Variants in HEATR4 observed in about 807,000 individuals in gnomAD.
HEATR4 encodes HEAT repeat containing 4, also known as HEAT repeat-containing protein 4.
Under a neutral mutation model 108.8 loss-of-function variants are expected in HEATR4, and 95 were observed. The observed-to-expected ratio is 0.87, with a 90% CI of 0.74 to 1.04. The LOEUF (loss-of-function observed/expected upper bound fraction) is 1.04. Ranked by LOEUF, HEATR4 falls within the 50% of genes least tolerant of loss-of-function variation. The pLI is 0.00. For missense variants in HEATR4, 1,152 were observed against 1,253.8 expected, an observed-to-expected ratio of 0.92 and a Z score of 1.23; for synonymous variants, 443 against 459.4, an observed-to-expected ratio of 0.96 and a Z score of 0.46.
chr14:73,586,622 C>T, the HEATR4 span, among the ~76,000 whole-genome samples: 16 of 150,820 alleles, frequency 1.1e-4, no homozygotes, highest in East Asian at 3.1e-3. Context: ...ACGAGAATTG[C>T]TTGAACCCAG....
chr14:73,556,387 T>C lies in HEATR4; in HGVS notation c.-152+2364A>G, dbSNP rs1170112099. On this transcript the variant is annotated intron_variant, in intron 1 of 17. Transcript: ENST00000553558. ...TTGCAGTGAGCCAAGATCACACCAG[T>C]GCACTCCAGGCTGGGTGACAAGAGT... is the stretch of plus-strand genomic sequence containing the variant. Among the ~76,000 whole-genome samples, 2 of 109,186 alleles carry C rather than the reference T, an allele frequency of 1.8e-5. 1 individual carries two copies. The highest frequency in any genetic ancestry group is 4.0e-5 in the Non-Finnish European group (2 of 50,450). The allele number at this position is 109,186 out of a possible 152,430, so 71.6% of individuals were successfully genotyped here.
Position 73,492,841 on chromosome 14 carries a change from G to T in HEATR4, c.2844+225C>A, listed in dbSNP as rs766508250. 3 of 1,613,772 alleles carry T rather than the reference G, an allele frequency of 1.9e-6. No homozygotes were observed. Among genetic ancestry groups the T allele is most frequent in the Admixed American group, 1.7e-5 (1 of 59,982 alleles). On this transcript the variant is annotated intron_variant, in intron 17 of 17. Coordinates refer to ENST00000553558, the MANE Select transcript of HEATR4 (RefSeq NM_001220484.1). The surrounding 1 kb of genome is among the most constrained non-coding windows in gnomAD (Gnocchi z 4.9). ...GTTCTTATCCAGAGTTTGTGAGAGT[G>T]GGGGACCTGCCCTGTGACAGTGTGG...
At chr14:73,584,988 CAACCCCCTCACCCA>C in the HEATR4 span, among the ~76,000 whole-genome samples, 2 of 151,912 alleles carry the variant, frequency 1.3e-5, no homozygotes, top group Admixed American at 1.3e-4. Flanking sequence ...GGCAGTTTGT[CAACCCCCTCACCCA>C]GACCCCCAAC....
intron 4 of HEATR4, chr14:73,520,566 T>C (rs541253752): frequency 1.9e-5 from 6 of 308,588 alleles, no homozygotes; most frequent in Non-Finnish European, 3.0e-5. Flanking sequence ...AGAGAAGAGA[T>C]GGATTGTTCC....
At chr14:73,493,223 T>TTACCCAGTAC in intron 16 of HEATR4, 99 bp from the exon 17 acceptor site, 3 of 974,740 alleles carry the variant, frequency 3.1e-6, no homozygotes, top group Non-Finnish European at 4.9e-6. Context: ...GGCTTCAGTG[T>TTACCCAGTAC]ACTGGGTAAC....
intron 1 of HEATR4, among the ~76,000 whole-genome samples, chr14:73,539,017 A>G (rs1249294092): frequency 1.7e-5 from 2 of 116,042 alleles, no homozygotes; most frequent in African/African-American, 5.6e-5. Context: ...AAAATTTTCA[A>G]GTAGTTTCAA....
intron 12 of HEATR4, among the ~76,000 whole-genome samples, chr14:73,499,403 C>T (rs1405514626): frequency 6.6e-6 from 1 of 152,116 alleles, no homozygotes; most frequent in African/African-American, 2.4e-5. Flanking sequence ...TTGCTTGGAC[C>T]TGGGAGGCGG....
At chr14:73,591,064 GACACCTCC>G in the HEATR4 span, among the ~76,000 whole-genome samples, 4,433 of 152,276 alleles carry the variant, frequency 0.029, 186 homozygotes, top group East Asian at 0.2. Flanking sequence ...GAAACAGGGT[GACACCTCC>G]TCTCTAAAAA....
Position 73,509,451 on chromosome 14 carries a change from CG to C in HEATR4, c.1580del (p.Pro527ArgfsTer8). ...RDSDKTIQDL[P>X]EVLLPALEAA... ...CCTCTAGGGCAGGCAGTAGAACCTCCGGCAAGTCCTGGATGGTCTTGTCTGT... is the reference window on the plus strand; with the variant it reads ...CCTCTAGGGCAGGCAGTAGAACCTCCGCAAGTCCTGGATGGTCTTGTCTGT... On this transcript the variant is annotated frameshift_variant, in exon 8 of 18. Transcript: ENST00000553558. LOFTEE classifies it high-confidence loss of function. 3.7e-6 allele frequency: 6 copies of C among 1,613,986 alleles called. No homozygotes were observed. Among genetic ancestry groups the C allele is most frequent in the Non-Finnish European group, 5.1e-6 (6 of 1,180,004 alleles).
chr14:73,509,440 A>C lies in HEATR4; in HGVS notation c.1592T>G (p.Leu531Arg). The change falls in exon 8 of 18, where the codon CTG becomes CGG. Residue 531 changes from leucine (L) to arginine (R), a missense_variant. By Grantham distance (102) the Leu-to-Arg change is moderately radical. Transcript: ENST00000553558. Reference protein sequence around the residue: ...KTIQDLPEVLLPALEAALCDK... With the variant: ...KTIQDLPEVLRPALEAALCDK... ...ACAAAGAGCAGCCTCTAGGGCAGGC[A>C]GTAGAACCTCCGGCAAGTCCTGGAT... 6.2e-7 allele frequency: 1 copy of C among 1,614,148 alleles called. No homozygotes were observed. The highest frequency in any genetic ancestry group is 8.5e-7 in the Non-Finnish European group (1 of 1,180,030).
chr14:73,534,905 C>T lies in HEATR4; in HGVS notation c.-151-4661G>A, dbSNP rs140008880. ...AGCAATCTCCTGCCTAGGCCTCCCC[C>T]CTAACAGCTGGAACTACAGGCATCT... On this transcript the variant is annotated intron_variant, in intron 1 of 17. Transcript: ENST00000553558. Among the ~76,000 whole-genome samples the T allele has an allele frequency of 4.5e-5, 5 of 110,264 alleles. 2 individuals carry two copies. Among genetic ancestry groups the T allele is most frequent in the African/African-American group, 8.9e-5 (3 of 33,836 alleles). The allele number at this position is 110,264 out of a possible 152,430, so 72.3% of individuals were successfully genotyped here. A position where few individuals can be genotyped will look rare whatever the true frequency, so the allele number is the denominator to read the frequency against.
At chr14:73,488,729 T>G (rs1302493748) in intron 17 of HEATR4, among the ~76,000 whole-genome samples, 1 of 150,050 alleles carries the variant, frequency 6.7e-6, no homozygotes, top group East Asian at 1.9e-4. Flanking sequence ...GAGCAATTAA[T>G]GGTAAAGAGA....
chr14:73,633,031 G>A, the HEATR4 span, among the ~76,000 whole-genome samples: 1 of 140,486 alleles, frequency 7.1e-6, no homozygotes, highest in East Asian at 2.0e-4. Context: ...TTGAGATGGG[G>A]TCTCATTCTG....
At chr14:73,491,587 C>A in intron 17 of HEATR4, 5 of 1,544,980 alleles carry the variant, frequency 3.2e-6, no homozygotes, top group South Asian at 1.2e-5. Context: ...GCGTCTTGGC[C>A]GAGCTGAACC....
chr14:73,564,750 A>G, the HEATR4 span, among the ~76,000 whole-genome samples: 6 of 95,380 alleles, frequency 6.3e-5, no homozygotes, highest in African/African-American at 2.0e-4. Context: ...TTTTTTTTAG[A>G]GATGAGATCT....
the HEATR4 span, chr14:73,595,685 C>G: frequency 2.0e-6 from 3 of 1,507,440 alleles, no homozygotes; most frequent in African/African-American, 1.4e-5. Context: ...ATGAGAGATT[C>G]AAGATCAGAT....
intron 8 of HEATR4, 78 bp from the exon 9 acceptor site, chr14:73,508,372 A>G: frequency 7.7e-7 from 1 of 1,296,570 alleles, no homozygotes; most frequent in South Asian, 1.3e-5. Context: ...ATTGATACCC[A>G]AGGCTGCTAC....
In HEATR4 at chr14:73,512,077, A is replaced by T. The variant is rs748022352; in HGVS notation, c.1487T>A (p.Ile496Asn). 2 of 1,614,012 alleles carry T rather than the reference A, an allele frequency of 1.2e-6. No individual in the cohort carries two copies. Among genetic ancestry groups the T allele is most frequent in the South Asian group, 2.2e-5 (2 of 91,092 alleles). Residue 496 changes from isoleucine (I) to asparagine (N), a missense_variant, in exon 7 of 18, where the codon ATC becomes AAC. Ile to Asn is a moderately radical substitution (Grantham distance 149, BLOSUM62 -3). Transcript: ENST00000553558. ...TGTGGCACATGTGGTGATAGCTTTGATCCGAACGTCATCATGCAGGTCTCC... is the reference window on the plus strand; with the variant it reads ...TGTGGCACATGTGGTGATAGCTTTGTTCCGAACGTCATCATGCAGGTCTCC... ...SLGDLHDDVR[I>N]KAITTCATAA...
At chr14:73,486,995 C>T (rs1885476247) in intron 17 of HEATR4, among the ~76,000 whole-genome samples, 1 of 151,956 alleles carries the variant, frequency 6.6e-6, no homozygotes, top group East Asian at 1.9e-4. Context: ...TGGCCCAGCG[C>T]GATGGCTCAC....
Sources: allele counts gnomAD v4.1 joint callset (sites outside exome capture counted in the v4.1 genomes callset), GRCh38; gene constraint gnomAD v4.1.1; non-coding constraint Gnocchi (gnomAD v3.1); transcripts MANE v1.5; gene names NCBI Gene and HGNC (gene_info 2026-07-23, HGNC 2026-07-21).